The following DYNC1I2 variants were observed in gnomAD, a reference collection of about 807,000 sequenced individuals.
The protein encoded by DYNC1I2 is cytoplasmic dynein 1 intermediate chain 2.
A neutral mutation model predicts 88.6 loss-of-function variants in DYNC1I2; 53 were observed. That is an observed-to-expected ratio of 0.60 (90% CI 0.48 to 0.75). DYNC1I2 has a LOEUF of 0.75. DYNC1I2 is among the 30% of genes least tolerant of loss of function. The pLI, the probability that DYNC1I2 is intolerant of heterozygous loss-of-function variation, is 0.00. For synonymous variants in DYNC1I2, 198 were observed against 254.6 expected (o/e 0.78, Z 2.12); for missense variants, 458 against 766.6 (o/e 0.60, Z 4.75).
intron 2 of DYNC1I2, among the ~76,000 whole-genome samples, chr2:171,692,098 A>C (rs1685442932): frequency 6.6e-6 from 1 of 152,192 alleles, no homozygotes; most frequent in Non-Finnish European, 1.5e-5. Flanking sequence ...CATAAAAAAA[A>C]CTTTTCCTTG....
intron 4 of DYNC1I2, chr2:171,706,812 CAA>C (rs1305661378): frequency 6.8e-6 from 3 of 442,454 alleles, no homozygotes; most frequent in Admixed American, 4.0e-5. Flanking sequence ...AATTATTAGA[CAA>C]AAGTTAATAT....
rs1433405747 is a variant in DYNC1I2, at chr2:171,690,076, G to GT, written c.-9-69dup. On this transcript the variant is annotated intron_variant, in intron 1 of 17. Coordinates refer to ENST00000397119, the MANE Select transcript of DYNC1I2 (RefSeq NM_001378.3). ...TTGAACTATATGGCCTTTCGGGACA[G>GT]TTCTCTTCTTGGAACACTAGTTTTT... The GT allele has an allele frequency of 2.8e-5, 28 of 983,780 alleles. No homozygotes were observed. In the South Asian group the frequency reaches 3.4e-4, roughly 12 times the overall value. 60.9% of individuals were successfully genotyped at this position (983,780 alleles called of 1,614,324 possible).
chr2:171,733,408 TC>T (rs1466381168), intron 15 of DYNC1I2, among the ~76,000 whole-genome samples: 2 of 138,662 alleles, frequency 1.4e-5, no homozygotes, highest in Admixed American at 1.5e-4. Context: ...TGGTTGATAC[TC>T]CCACCAACAG....
chr2:171,709,780 C>T (rs946868069), intron 5 of DYNC1I2, among the ~76,000 whole-genome samples: 9 of 152,086 alleles, frequency 5.9e-5, no homozygotes, highest in East Asian at 1.9e-4. Context: ...TGCAGTGGCA[C>T]GATCTTGGCT....
At chr2:171,690,422 A>T (rs1254874247) in intron 2 of DYNC1I2, among the ~76,000 whole-genome samples, 159 bp downstream of exon 2, 1 of 152,204 alleles carries the variant, frequency 6.6e-6, no homozygotes, top group Non-Finnish European at 1.5e-5. Context: ...ATTTCAGGAT[A>T]GTTAAAAATC....
At chr2:171,732,363 AG>A (rs1216569292) in intron 15 of DYNC1I2, among the ~76,000 whole-genome samples, 1 of 152,210 alleles carries the variant, frequency 6.6e-6, no homozygotes, top group Non-Finnish European at 1.5e-5. Flanking sequence ...CACCTGAAAA[AG>A]TAATGATAAT....
At chr2:171,728,245 A>G in intron 12 of DYNC1I2, 60 bp from the exon 13 acceptor site, 1 of 1,032,972 alleles carries the variant, frequency 9.7e-7, no homozygotes, top group South Asian at 2.0e-5. Flanking sequence ...TAATTAGACT[A>G]AAAATTTTGT....
At chr2:171,734,556 C>A (rs1688874346) in intron 15 of DYNC1I2, among the ~76,000 whole-genome samples, 1 of 152,146 alleles carries the variant, frequency 6.6e-6, no homozygotes, top group Non-Finnish European at 1.5e-5. Flanking sequence ...TCTCACCCTG[C>A]CCCCAACATC....
In DYNC1I2 at chr2:171,744,165, G is replaced by A. The variant is rs199850267; in HGVS notation, c.1653G>A (p.Leu551=). 6.2e-5 allele frequency: 100 copies of A among 1,610,158 alleles called. No individual in the cohort carries two copies. Among genetic ancestry groups the A allele is most frequent in the Non-Finnish European group, 7.9e-5 (93 of 1,178,656 alleles). Residue 551 remains leucine (L), a synonymous_variant, in exon 16 of 18, where the codon TTG becomes TTA. Transcript: ENST00000397119. ...TGGATGGCATGGGGAGATTGGATTT[G>A]TGGAATCTCAATAATGACACAGAGG... The part of the protein sequence containing the change: ...ACVDGMGRLD[L]WNLNNDTEVP...
At position 171,748,066 on chromosome 2, in the gene DYNC1I2, T is replaced by C. The variant is rs551285541; in HGVS notation, c.*177T>C. The stretch of plus-strand genomic sequence containing the variant: ...CTTTATATATAACATGCATCTTGTT[T>C]TGGATTTGTGTCATTTTTTAATATA... On this transcript the variant is annotated 3_prime_UTR_variant, in exon 18 of 18. Transcript: ENST00000397119. 2.7e-4 allele frequency: 133 copies of C among 494,082 alleles called. No individual in the cohort carries two copies. The highest frequency in any genetic ancestry group is 2.3e-3 in the African/African-American group (115 of 50,826). The allele number at this position is 494,082 out of a possible 1,614,324, so 30.6% of individuals were successfully genotyped here.
Position 171,725,598 on chromosome 2 carries a change from G to GTTTTT in DYNC1I2, c.512-8_512-4dup, listed in dbSNP as rs746910264. 1.3e-4 allele frequency: 120 copies of GTTTTT among 895,128 alleles called. No homozygotes were observed. Among genetic ancestry groups the GTTTTT allele is most frequent in the South Asian group, 7.4e-4 (32 of 42,992 alleles). 55.4% of individuals were successfully genotyped at this position (895,128 alleles called of 1,614,324 possible). On this transcript the variant is annotated intron_variant, in intron 7 of 17. Coordinates refer to ENST00000397119, the MANE Select transcript of DYNC1I2 (RefSeq NM_001378.3). Reference sequence around the variant, plus strand: ...ATTCTGTTTTTTTGTTTTTTTGTTTGTTTTTTTTTTTTTTTTCAGATGAAG... The same window carrying GTTTTT: ...ATTCTGTTTTTTTGTTTTTTTGTTTGTTTTTTTTTTTTTTTTTTTTTCAGATGAAG...
In DYNC1I2 at chr2:171,741,751, A is replaced by G. The variant is rs564747172; in HGVS notation, c.1537-2298A>G. ...AACTGAGAAATCATTGCTGAGTTCA[A>G]GGTCACAAAGATTTACTTGTATGCT... is the stretch of plus-strand genomic sequence containing the variant. On this transcript the variant is annotated intron_variant, in intron 15 of 17. Transcript: ENST00000397119. 7.9e-5 allele frequency among the ~76,000 whole-genome samples: 12 copies of G among 152,296 alleles called. No homozygotes were observed. The South Asian group carries it at 1.7e-3, about 21-fold the overall frequency.
intron 15 of DYNC1I2, among the ~76,000 whole-genome samples, chr2:171,732,193 G>A (rs926639262): frequency 1.2e-4 from 18 of 152,154 alleles, no homozygotes; most frequent in East Asian, 1.2e-3. Context: ...GTGAAACCCC[G>A]TCTCACTGAA....
At chr2:171,709,909 GTTTCACCAT>G (rs1686977108) in intron 5 of DYNC1I2, among the ~76,000 whole-genome samples, 1 of 151,942 alleles carries the variant, frequency 6.6e-6, no homozygotes, top group African/African-American at 2.4e-5. Flanking sequence ...TAAAGACAGG[GTTTCACCAT>G]GTTGGCCAGG....
intron 7 of DYNC1I2, among the ~76,000 whole-genome samples, chr2:171,716,623 T>G (rs1687512000): frequency 6.6e-6 from 1 of 152,120 alleles, no homozygotes; most frequent in African/African-American, 2.4e-5. Flanking sequence ...AAAGTTAGGA[T>G]TGTGGCCGGA....
chr2:171,726,606 A>G (rs1048668307), intron 10 of DYNC1I2, 185 bp from the exon 11 acceptor site: 4 of 629,980 alleles, frequency 6.3e-6, no homozygotes, highest in African/African-American at 1.9e-5. Context: ...ATTTAAAATA[A>G]TTAACTGTTC....
At chr2:171,725,519 GA>G in intron 7 of DYNC1I2, 98 bp from the exon 8 acceptor site, 1 of 761,644 alleles carries the variant, frequency 1.3e-6, no homozygotes, top group Non-Finnish European at 2.0e-6. Context: ...GATACCTTCT[GA>G]AATACTGTCT....
chr2:171,740,022 C>A lies in DYNC1I2; in HGVS notation c.1537-4027C>A, dbSNP rs560702076. 2.9e-4 allele frequency among the ~76,000 whole-genome samples: 44 copies of A among 152,216 alleles called. 1 individual carries two copies. In the South Asian group the frequency reaches 6.8e-3, roughly 24 times the overall value. ...ACCAAGCCCAGCCACAATTGACATA[C>A]CTTTTAAGTTCCTCTTTAAAGTAGG... On this transcript the variant is annotated intron_variant, in intron 15 of 17. Coordinates refer to ENST00000397119, the MANE Select transcript of DYNC1I2 (RefSeq NM_001378.3).
chr2:171,718,218 A>G (rs1343674301), intron 7 of DYNC1I2, among the ~76,000 whole-genome samples: 3 of 152,176 alleles, frequency 2.0e-5, no homozygotes, highest in Non-Finnish European at 4.4e-5. Flanking sequence ...TTGGCCTCCC[A>G]TAGTGCTGGG....
Sources: gnomAD v4.1 joint callset for allele counts (sites outside exome capture counted in the v4.1 genomes callset) on GRCh38, gnomAD v4.1.1 for gene constraint, MANE v1.5 for transcripts, NCBI Gene and HGNC (gene_info 2026-07-23, HGNC 2026-07-21) for gene names.